Variants in ADAMTS19 observed in about 807,000 individuals in gnomAD.
The protein encoded by ADAMTS19 is ADAM metallopeptidase with thrombospondin type 1 motif 19.
Under a neutral mutation model 153.3 loss-of-function variants are expected in ADAMTS19, and 93 were observed. That is an observed-to-expected ratio of 0.61 (90% CI 0.51 to 0.72). ADAMTS19 has a LOEUF of 0.72. Ranked by LOEUF, ADAMTS19 falls within the 30% of genes least tolerant of loss-of-function variation. The probability of loss-of-function intolerance (pLI) is 0.00; values close to 1 mark genes in which losing one functional copy is unlikely to be tolerated. For missense variants in ADAMTS19, 1,482 were observed against 1,552.1 expected (o/e 0.95, Z 0.76); for synonymous variants, 600 against 556.6 (o/e 1.08, Z -1.10).
At chr5:129,498,536 C>T (rs892432137) in intron 2 of ADAMTS19, among the ~76,000 whole-genome samples, 2 of 151,936 alleles carry the variant, frequency 1.3e-5, no homozygotes, top group African/African-American at 2.4e-5. Context: ...GTGACATATA[C>T]ACATGGGACA....
intron 6 of ADAMTS19, among the ~76,000 whole-genome samples, chr5:129,548,414 A>C (rs1247981379): frequency 1.3e-5 from 2 of 151,996 alleles, no homozygotes; most frequent in Non-Finnish European, 2.9e-5. Context: ...CAGCCAAAAA[A>C]CACATGAAAA....
In ADAMTS19 at chr5:129,737,119, G is replaced by A; in HGVS notation, c.3543G>A (p.Val1181=). The change falls in exon 23 of 23, where the codon GTG becomes GTA. Residue 1181 remains valine, a synonymous_variant. Coordinates refer to ENST00000274487, the MANE Select transcript of ADAMTS19 (RefSeq NM_133638.6). ...LGDQWPVYCR[V]IREKNLCQDM... is the part of the protein sequence containing the mutation. ...ATCAGTGGCCAGTGTACTGCCGAGT[G>A]ATACGTGAAAAGAACCTATGTCAGG... 6.2e-7 allele frequency: 1 copy of A among 1,611,024 alleles called. No individual in the cohort carries two copies. Among genetic ancestry groups the A allele is most frequent in the South Asian group, 1.1e-5 (1 of 90,802 alleles).
chr5:129,493,127 A>C (rs1750820928), intron 2 of ADAMTS19, among the ~76,000 whole-genome samples: 1 of 152,174 alleles, frequency 6.6e-6, no homozygotes, highest in South Asian at 2.1e-4. Flanking sequence ...AGTGGTAAGT[A>C]ACATGGTTCT....
At chr5:129,599,204 C>T (rs1192861195) in intron 8 of ADAMTS19, among the ~76,000 whole-genome samples, 1 of 151,710 alleles carries the variant, frequency 6.6e-6, no homozygotes, top group East Asian at 1.9e-4. Context: ...TTCTTAATTC[C>T]AAAACAATTT....
intron 7 of ADAMTS19, among the ~76,000 whole-genome samples, chr5:129,555,763 C>T (rs1222946110): frequency 6.6e-6 from 1 of 152,154 alleles, no homozygotes; most frequent in Admixed American, 6.5e-5. Context: ...GATCTTCTGA[C>T]TGTACTGTCA....
intron 7 of ADAMTS19, among the ~76,000 whole-genome samples, chr5:129,571,041 C>T (rs968058466): frequency 1.3e-5 from 2 of 151,770 alleles, no homozygotes; most frequent in Non-Finnish European, 2.9e-5. Context: ...CTCCATCCCT[C>T]TTAGGAAAAA....
chr5:129,697,073 T>G (rs527568255), intron 19 of ADAMTS19, among the ~76,000 whole-genome samples: 62 of 152,266 alleles, frequency 4.1e-4, no homozygotes, highest in African/African-American at 1.5e-3. Context: ...AATTATGGGG[T>G]AAAATAGTTT....
rs527777649 is a variant in ADAMTS19 at position 129,515,597 on chromosome 5, C to A, written c.913+6355C>A. 1.1e-4 allele frequency among the ~76,000 whole-genome samples: 17 copies of A among 151,984 alleles called. No homozygotes were observed. The East Asian group carries it at 3.1e-3, about 28-fold the overall frequency. ...TTAAATTTCTTTTTCACATTGTTCA[C>A]TGTTGGCATATAGAAATGCTAATGA... On this transcript the variant is annotated intron_variant, in intron 3 of 22. Transcript: ENST00000274487.
At chr5:129,475,281 C>G (rs1281919957) in intron 2 of ADAMTS19, among the ~76,000 whole-genome samples, 1 of 152,042 alleles carries the variant, frequency 6.6e-6, no homozygotes, top group East Asian at 1.9e-4. Flanking sequence ...GTAAATTTTT[C>G]TCTTTGCATG....
At chr5:129,512,658 G>A (rs551503461) in intron 3 of ADAMTS19, among the ~76,000 whole-genome samples, 1 of 152,160 alleles carries the variant, frequency 6.6e-6, no homozygotes, top group East Asian at 1.9e-4. Flanking sequence ...ACAGGAAACT[G>A]ACAGATTGGG....
intron 7 of ADAMTS19, among the ~76,000 whole-genome samples, chr5:129,572,453 C>T (rs934602900): frequency 6.6e-6 from 1 of 151,918 alleles, no homozygotes; most frequent in Non-Finnish European, 1.5e-5. Context: ...CTTACATTCA[C>T]CTAAAGCCTG....
rs1420244564 is a variant in ADAMTS19, at chr5:129,484,722, G to GT, written c.747+22966dup. Among the ~76,000 whole-genome samples the GT allele has an allele frequency of 1.4e-4, 21 of 152,068 alleles. No individual in the cohort carries two copies. In the East Asian group the frequency reaches 2.3e-3, roughly 17 times the overall value. On this transcript the variant is annotated intron_variant, in intron 2 of 22. Transcript: ENST00000274487. ...GCAATATAATAATGATGATCCTGTT[G>GT]TAAGTCTTAAGTGTACATGTGCAAG...
At chr5:129,676,462 G>A (rs1436666221) in intron 16 of ADAMTS19, among the ~76,000 whole-genome samples, 2 of 152,042 alleles carry the variant, frequency 1.3e-5, no homozygotes, top group African/African-American at 2.4e-5. Flanking sequence ...ACTCACTGAA[G>A]CCCTCGCCCT....
intron 12 of ADAMTS19, among the ~76,000 whole-genome samples, chr5:129,648,597 T>C (rs187226928): frequency 6.6e-6 from 1 of 152,236 alleles, no homozygotes; most frequent in African/African-American, 2.4e-5. Flanking sequence ...TTGGAAGGTA[T>C]ATTGATCAAG....
Position 129,684,219 on chromosome 5 carries a change from CT to C in ADAMTS19, c.2765del (p.Leu922ProfsTer31), listed in dbSNP as rs1561647777. On this transcript the variant is annotated frameshift_variant, in exon 18 of 23. Transcript: ENST00000274487. LOFTEE classifies it high-confidence loss of function. ...CCAGAGCTCTAAAGCACCTGAGCCC[CT>C]CTTCATGTGGACACACACAAGCTGG... ...ENQSSKAPEP[L>X]FMWTHTSWED... is the part of the protein sequence containing the mutation. 6.2e-7 allele frequency: 1 copy of C among 1,614,190 alleles called. No individual in the cohort carries two copies. Among genetic ancestry groups the C allele is most frequent in the Non-Finnish European group, 8.5e-7 (1 of 1,180,042 alleles).
intron 21 of ADAMTS19, among the ~76,000 whole-genome samples, chr5:129,721,052 A>C (rs993788669): frequency 1.3e-5 from 2 of 152,144 alleles, no homozygotes; most frequent in African/African-American, 2.4e-5. Context: ...CTCTTGTCTC[A>C]TTTGGGCACT....
chr5:129,612,248 G>C (rs1361872286), intron 8 of ADAMTS19, among the ~76,000 whole-genome samples: 1 of 150,978 alleles, frequency 6.6e-6, no homozygotes, highest in Non-Finnish European at 1.5e-5. Context: ...CCTTGCGATA[G>C]TTTGCTGAGA....
chr5:129,492,611 GAA>G (rs371596035), intron 2 of ADAMTS19, among the ~76,000 whole-genome samples: 1 of 150,062 alleles, frequency 6.7e-6, no homozygotes, highest in Non-Finnish European at 1.5e-5. Flanking sequence ...TAATAAATTT[GAA>G]AAAAAAGAGG....
chr5:129,590,201 T>C (rs1056716301), intron 7 of ADAMTS19, among the ~76,000 whole-genome samples: 1 of 152,208 alleles, frequency 6.6e-6, no homozygotes, highest in Non-Finnish European at 1.5e-5. Flanking sequence ...ATCAGTTATA[T>C]ATCTTATCTG....
Sources: allele counts gnomAD v4.1 joint callset (sites outside exome capture counted in the v4.1 genomes callset), GRCh38; gene constraint gnomAD v4.1.1; transcripts MANE v1.5; gene names NCBI Gene and HGNC (gene_info 2026-07-23, HGNC 2026-07-21).